The following DOCK2 variants were observed in gnomAD, a reference collection of about 807,000 sequenced individuals.
DOCK2 encodes the protein dedicator of cytokinesis protein 2.
Under a neutral mutation model 248.9 loss-of-function variants are expected in DOCK2, and 87 were observed. That is an observed-to-expected ratio of 0.35 (90% CI 0.29 to 0.42). DOCK2 has a LOEUF of 0.42. DOCK2 is among the 10% of genes least tolerant of loss of function. The pLI is 1.00. For synonymous variants in DOCK2, 805 were observed against 821.6 expected (o/e 0.98, Z 0.35); for missense variants, 1,747 against 2,300.2 (o/e 0.76, Z 4.92).
chr5:170,028,712 A>C (rs13180085), intron 34 of DOCK2: 62,116 of 151,916 alleles, frequency 0.41, 13,475 homozygotes, highest in East Asian at 0.58. Context: ...TAAAAAGCAA[A>C]CCTGCACCCC....
intron 27 of DOCK2, among the ~76,000 whole-genome samples, chr5:169,889,604 C>G (rs561744376): frequency 6.6e-6 from 1 of 152,204 alleles, no homozygotes; most frequent in South Asian, 2.1e-4. Context: ...GGGGTTCAGA[C>G]TATCCTTTAC....
intron 26 of DOCK2, among the ~76,000 whole-genome samples, chr5:169,836,148 A>G (rs1282205182): frequency 6.6e-6 from 1 of 152,134 alleles, no homozygotes; most frequent in Non-Finnish European, 1.5e-5. Context: ...AACTGTAAGT[A>G]GCATCATTTG....
chr5:169,680,786 G>T (rs1259796628), intron 6 of DOCK2, among the ~76,000 whole-genome samples: 1 of 151,946 alleles, frequency 6.6e-6, no homozygotes, highest in African/African-American at 2.4e-5. Flanking sequence ...TACTCCTCCA[G>T]CCCTAGGCCC....
At chr5:169,990,725 A>T (rs1423587737) in intron 29 of DOCK2, among the ~76,000 whole-genome samples, 3 of 152,190 alleles carry the variant, frequency 2.0e-5, no homozygotes, top group Non-Finnish European at 4.4e-5. Flanking sequence ...AACCAGTAGA[A>T]TCAACTACAT....
At position 170,050,342 on chromosome 5, in the gene DOCK2, G is replaced by T; in HGVS notation, c.4158G>T (p.Glu1386Asp). Residue 1386 changes from glutamate to aspartate, a missense_variant, in exon 41 of 52, where the codon GAG becomes GAT. Glu to Asp is a conservative substitution (Grantham distance 45, BLOSUM62 2). Transcript: ENST00000520908. ...MQLMTQFPNA[E>D]KMNTTSAPGD... The stretch of plus-strand genomic sequence containing the variant: ...TGATGACCCAGTTCCCCAATGCAGA[G>T]AAGATGAACACCACCTCTGCCCCGG... The T allele has an allele frequency of 6.2e-7, 1 of 1,614,192 alleles. No individual in the cohort carries two copies. The highest frequency in any genetic ancestry group is 2.2e-5 in the East Asian group (1 of 44,884).
At chr5:169,998,242 A>T (rs1754715499) in intron 30 of DOCK2, among the ~76,000 whole-genome samples, 1 of 152,232 alleles carries the variant, frequency 6.6e-6, no homozygotes, top group South Asian at 2.1e-4. Flanking sequence ...CCTCGTGAGT[A>T]TAAAGACCTT....
chr5:169,984,917 T>C (rs1778027018), intron 28 of DOCK2, among the ~76,000 whole-genome samples: 1 of 152,132 alleles, frequency 6.6e-6, no homozygotes, highest in African/African-American at 2.4e-5. Flanking sequence ...TCCAGATTTC[T>C]TTATTTATTT....
chr5:169,678,062 G>A (rs559769451), intron 6 of DOCK2, among the ~76,000 whole-genome samples: 5 of 152,290 alleles, frequency 3.3e-5, no homozygotes, highest in South Asian at 4.1e-4. Context: ...CTGTAGCTGC[G>A]CTCTCATGCC....
In DOCK2 at chr5:170,055,398, T is replaced by C. The variant is rs150465424; in HGVS notation, c.4295+12T>C. ...GACCAGATTATAAAGTAAGACTCGTTGTCCACAGGGAAGAAGGATGGGGAA... is the reference window on the plus strand; with the variant it reads ...GACCAGATTATAAAGTAAGACTCGTCGTCCACAGGGAAGAAGGATGGGGAA... On this transcript the variant is annotated intron_variant, in intron 42 of 51. Transcript: ENST00000520908. 88 of 1,613,482 alleles carry C rather than the reference T, an allele frequency of 5.5e-5. 1 individual carries two copies. In the African/African-American group the frequency reaches 1.0e-3, roughly 19 times the overall value.
intron 44 of DOCK2, among the ~76,000 whole-genome samples, chr5:170,058,673 T>C (rs1270549208): frequency 2.0e-5 from 3 of 152,192 alleles, no homozygotes; most frequent in African/African-American, 4.8e-5. Flanking sequence ...AGTCATCTGA[T>C]ACCAGATCAT....
At chr5:169,754,283 C>G (rs1181498536) in intron 23 of DOCK2, among the ~76,000 whole-genome samples, 1 of 152,146 alleles carries the variant, frequency 6.6e-6, no homozygotes, top group African/African-American at 2.4e-5. Context: ...ATCTAGATAG[C>G]AATGATCTCA....
chr5:169,960,532 A>G lies in DOCK2; in HGVS notation c.2800-22536A>G, dbSNP rs61071716. Among the ~76,000 whole-genome samples, 1,281 of 152,336 alleles carry G rather than the reference A, an allele frequency of 8.4e-3. 62 individuals carry two copies. In the East Asian group the frequency reaches 0.14, roughly 16 times the overall value. ...GGAAAATTATTGATTAGAAAGAAAC[A>G]TGAGGTTCTAAGATAGGTTTTCAAG... On this transcript the variant is annotated intron_variant, in intron 27 of 51. Transcript: ENST00000520908.
intron 34 of DOCK2, among the ~76,000 whole-genome samples, chr5:170,029,117 T>C (rs1365668772): frequency 2.0e-5 from 3 of 152,218 alleles, no homozygotes; most frequent in African/African-American, 7.2e-5. Flanking sequence ...TGCTGGATCA[T>C]ACGGCACCTA....
intron 6 of DOCK2, among the ~76,000 whole-genome samples, chr5:169,676,345 C>T (rs1023835552): frequency 6.6e-6 from 1 of 152,152 alleles, no homozygotes; most frequent in Non-Finnish European, 1.5e-5. Context: ...TGAGTGACAA[C>T]TGAGTGAGTG....
intron 36 of DOCK2, among the ~76,000 whole-genome samples, chr5:170,037,065 C>G (rs1756347079): frequency 6.6e-6 from 1 of 152,052 alleles, no homozygotes; most frequent in Non-Finnish European, 1.5e-5. Context: ...GCCAGTTTTT[C>G]TCAGAATCTC....
chr5:169,848,848 G>T (rs1045505877), intron 27 of DOCK2, among the ~76,000 whole-genome samples: 8 of 152,182 alleles, frequency 5.3e-5, no homozygotes, highest in Non-Finnish European at 1.2e-4. Flanking sequence ...TTCCTCTGCT[G>T]CTTCACCTCA....
chr5:169,748,079 G>T (rs151251286), intron 23 of DOCK2, among the ~76,000 whole-genome samples: 33 of 152,282 alleles, frequency 2.2e-4, no homozygotes, highest in African/African-American at 6.7e-4. Flanking sequence ...GGGTGCGGGT[G>T]GGGGAAGCTG....
At chr5:169,802,025 ATT>A (rs34538994) in intron 25 of DOCK2, among the ~76,000 whole-genome samples, 9 of 146,570 alleles carry the variant, frequency 6.1e-5, no homozygotes, top group Non-Finnish European at 1.4e-4. Context: ...ACATGTTTGG[ATT>A]TTTTTTTTTT....
intron 22 of DOCK2, among the ~76,000 whole-genome samples, chr5:169,734,113 T>A (rs886680820): frequency 1.3e-5 from 2 of 152,184 alleles, no homozygotes; most frequent in South Asian, 4.1e-4. Flanking sequence ...CTAATTTCTT[T>A]AAACCCATTT....
Sources: gnomAD v4.1 joint callset for allele counts (sites outside exome capture counted in the v4.1 genomes callset) on GRCh38, gnomAD v4.1.1 for gene constraint, MANE v1.5 for transcripts, NCBI Gene and HGNC (gene_info 2026-07-23, HGNC 2026-07-21) for gene names.